PDE1B: variants seen among roughly 807,000 people sequenced by gnomAD.
PDE1B encodes the protein dual specificity calcium/calmodulin-dependent 3',5'-cyclic nucleotide phosphodiesterase 1B.
PDE1B carries 13 observed loss-of-function variants against 66.7 expected under a neutral mutation model. The ratio of observed to expected loss-of-function variants is 0.19; its 90% confidence interval spans 0.13 to 0.31. PDE1B has a LOEUF of 0.31. Ranked by LOEUF, PDE1B falls within the 10% of genes least tolerant of loss-of-function variation. PDE1B has a pLI of 1.00. For synonymous variants in PDE1B, 230 were observed against 253.9 expected (o/e 0.91, Z 0.90); for missense variants, 485 against 682.3 (o/e 0.71, Z 3.22).
intron 2 of PDE1B, among the ~76,000 whole-genome samples, chr12:54,553,584 G>C (rs2121026792): frequency 6.6e-6 from 1 of 152,278 alleles, no homozygotes; most frequent in Non-Finnish European, 1.5e-5. Context: ...GTTAAATAAA[G>C]GAATGAACAA....
intron 3 of PDE1B, among the ~76,000 whole-genome samples, chr12:54,567,933 T>A (rs1351964749): frequency 2.6e-5 from 4 of 152,188 alleles, no homozygotes; most frequent in African/African-American, 9.6e-5. Flanking sequence ...CTTGGCTCAC[T>A]GCAACCTCTG....
chr12:54,577,412 T>A (rs1957778319), intron 15 of PDE1B, 67 bp downstream of exon 15: 1 of 1,608,642 alleles, frequency 6.2e-7, no homozygotes, highest in Non-Finnish European at 8.5e-7. Flanking sequence ...TTGGGTCGTC[T>A]CTGGGCTCCA....
Position 54,569,208 on chromosome 12 carries a change from G to A in PDE1B, c.252G>A (p.Glu84=), listed in dbSNP as rs767337032. 7.5e-6 allele frequency: 12 copies of A among 1,609,992 alleles called. No individual in the cohort carries two copies. The highest frequency in any genetic ancestry group is 8.5e-6 in the Non-Finnish European group (10 of 1,177,412). ...GGCAAATCTTGGACACGGAGGACGA[G>A]CTGCAGGAGCTGCGGTCAGATGCCG... ...ETRQILDTED[E]LQELRSDAVP... Residue 84 remains glutamate, a synonymous_variant, in exon 4 of 16, where the codon GAG becomes GAA. Coordinates refer to ENST00000243052, the MANE Select transcript of PDE1B (RefSeq NM_000924.4). The surrounding 1 kb of genome is among the most constrained non-coding windows in gnomAD (Gnocchi z 4.4).
At chr12:54,563,460 G>A (rs900384467) in intron 2 of PDE1B, among the ~76,000 whole-genome samples, 1 of 152,180 alleles carries the variant, frequency 6.6e-6, no homozygotes. Context: ...AATGAAGTTT[G>A]TAATTGTAAA....
At chr12:54,562,153 C>A (rs558907424) in intron 2 of PDE1B, among the ~76,000 whole-genome samples, 1 of 152,234 alleles carries the variant, frequency 6.6e-6, no homozygotes, top group South Asian at 2.1e-4. Context: ...TTATGGTGAT[C>A]TTTTTGGGAA....
chr12:54,573,213 C>G lies in PDE1B; in HGVS notation c.801C>G (p.His267Gln). ...CTGCAGCTATCCATGATTATGAGCA[C>G]ACGGGCACTACCAACAGCTTCCACA... ...IFAAAIHDYE[H>Q]TGTTNSFHIQ... The change falls in exon 8 of 16, where the codon CAC (histidine) becomes CAG (glutamine). Residue 267 changes from histidine to glutamine, a missense_variant. Around this residue, in one of 4 missense-constraint regions of PDE1B, gnomAD observed 282 missense variants for 453.4 expected, o/e 0.62. Coordinates refer to ENST00000243052, the MANE Select transcript of PDE1B (RefSeq NM_000924.4). The surrounding 1 kb of genome is among the most constrained non-coding windows in gnomAD (Gnocchi z 5.2). 1 of 1,614,026 alleles carries G rather than the reference C, an allele frequency of 6.2e-7. No homozygotes were observed. Among genetic ancestry groups the G allele is most frequent in the Admixed American group, 1.7e-5 (1 of 60,012 alleles).
intron 6 of PDE1B, 100 bp downstream of exon 6, chr12:54,570,457 C>A: frequency 1.3e-6 from 1 of 761,730 alleles, no homozygotes; most frequent in Non-Finnish European, 2.4e-6. Context: ...GATCCCCTCA[C>A]TCAGTCTCAA....
At chr12:54,554,000 AG>A (rs2121028726) in intron 2 of PDE1B, among the ~76,000 whole-genome samples, 1 of 152,314 alleles carries the variant, frequency 6.6e-6, no homozygotes, top group East Asian at 1.9e-4. Context: ...TATATTGGGA[AG>A]GTGTGCACTT....
chr12:54,550,248 C>T, intron 2 of PDE1B: 1 of 1,341,864 alleles, frequency 7.5e-7, no homozygotes. Flanking sequence ...CTGACACACG[C>T]AGCGCCTAGA....
chr12:54,575,238 T>G lies in PDE1B; in HGVS notation c.1185+20T>G. 1 of 1,610,112 alleles carries G rather than the reference T, an allele frequency of 6.2e-7. No individual in the cohort carries two copies. Among genetic ancestry groups the G allele is most frequent in the Non-Finnish European group, 8.5e-7 (1 of 1,176,574 alleles). The stretch of plus-strand genomic sequence containing the variant: ...CGTCAGGTAGCGTGGCATCTTTGCC[T>G]TCCCTGTGCCTATGGGGGCCTTCTC... On this transcript the variant is annotated intron_variant, in intron 11 of 15. Coordinates refer to ENST00000243052, the MANE Select transcript of PDE1B (RefSeq NM_000924.4). This position sits in a 1 kb window ranked among gnomAD's most constrained non-coding sequence, Gnocchi z 4.0.
intron 3 of PDE1B, among the ~76,000 whole-genome samples, chr12:54,567,831 G>A (rs576685971): frequency 6.6e-6 from 1 of 151,478 alleles, no homozygotes; most frequent in South Asian, 2.1e-4. Flanking sequence ...TTAGAAAAAA[G>A]AATGTAAGAT....
intron 2 of PDE1B, among the ~76,000 whole-genome samples, chr12:54,552,323 G>A (rs1957289603): frequency 1.3e-5 from 2 of 152,214 alleles, no homozygotes; most frequent in African/African-American, 4.8e-5. Flanking sequence ...CTTTGGTCAA[G>A]GTGGGAAGGG....
At position 54,575,976 on chromosome 12, in the gene PDE1B, T is replaced by G. The variant is rs1003736707; in HGVS notation, c.1268-16T>G. On this transcript the variant is annotated splice_polypyrimidine_tract_variant and intron_variant, in intron 12 of 15. Transcript: ENST00000243052. This position sits in a 1 kb window ranked among gnomAD's most constrained non-coding sequence, Gnocchi z 4.0. Reference sequence around the variant, plus strand: ...TAATAGTAAGACATCTCTACGGCATTGCTCCTCCACTGCAGGGTTCATCGA... The same window carrying G: ...TAATAGTAAGACATCTCTACGGCATGGCTCCTCCACTGCAGGGTTCATCGA... 4 of 1,552,276 alleles carry G rather than the reference T, an allele frequency of 2.6e-6. No individual in the cohort carries two copies. Among genetic ancestry groups the G allele is most frequent in the Non-Finnish European group, 3.6e-6 (4 of 1,123,706 alleles).
chr12:54,575,069 T>A lies in PDE1B; in HGVS notation c.1065-29T>A, dbSNP rs754354780. 31 of 1,604,348 alleles carry A rather than the reference T, an allele frequency of 1.9e-5. No individual in the cohort carries two copies. The highest frequency in any genetic ancestry group is 1.5e-4 in the Admixed American group (9 of 59,528). On this transcript the variant is annotated intron_variant, in intron 10 of 15. Coordinates refer to ENST00000243052, the MANE Select transcript of PDE1B (RefSeq NM_000924.4). The surrounding 1 kb of genome is among the most constrained non-coding windows in gnomAD (Gnocchi z 4.0). Reference sequence around the variant, plus strand: ...ACTTCCTTTTCCTAAAAGATCAGTCTCCCTTCCCTTGCCATCTGCCCCAAC... The same window carrying A: ...ACTTCCTTTTCCTAAAAGATCAGTCACCCTTCCCTTGCCATCTGCCCCAAC...
chr12:54,565,631 A>G (rs1049577902), intron 2 of PDE1B, among the ~76,000 whole-genome samples: 1 of 152,194 alleles, frequency 6.6e-6, no homozygotes, highest in Non-Finnish European at 1.5e-5. Flanking sequence ...ATAGCCAACC[A>G]AGGAGGCTGC....
intron 2 of PDE1B, chr12:54,561,738 G>T (rs1957417352): frequency 2.6e-6 from 2 of 777,698 alleles, no homozygotes; most frequent in Non-Finnish European, 4.1e-6. Context: ...ATCAAGACCT[G>T]GCAGTCCCCC....
chr12:54,549,801 G>C (rs1957247646), intron 1 of PDE1B, 29 bp downstream of exon 1: 1 of 1,197,828 alleles, frequency 8.3e-7, no homozygotes, highest in Admixed American at 1.8e-5. Flanking sequence ...GGGGGGTGAG[G>C]GTCTCTCGGC....
rs1957245375 is a variant in PDE1B at position 54,549,694 on chromosome 12, A to T, written c.-92A>T. On this transcript the variant is annotated 5_prime_UTR_variant, in exon 1 of 16. Coordinates refer to ENST00000243052, the MANE Select transcript of PDE1B (RefSeq NM_000924.4). ...AAGCTCGGCTGGGCAGCGGGAGAGG[A>T]GGAGCCGCAGGAGCTGCAGCTCTGC... 3 of 491,604 alleles carry T rather than the reference A, an allele frequency of 6.1e-6. No individual in the cohort carries two copies. In the Admixed American group the frequency reaches 1.1e-4, roughly 18 times the overall value. The allele number at this position is 491,604 out of a possible 1,614,324, so 30.5% of individuals were successfully genotyped here. A position where few individuals can be genotyped will look rare whatever the true frequency, so the allele number is the denominator to read the frequency against.
chr12:54,577,108 T>G, intron 14 of PDE1B, 117 bp from the exon 15 acceptor site: 1 of 904,250 alleles, frequency 1.1e-6, no homozygotes, highest in African/African-American at 1.6e-5. Context: ...TTGAATGTAG[T>G]TCAGCTTGAA....
Sources: gnomAD v4.1 joint callset for allele counts (sites outside exome capture counted in the v4.1 genomes callset) on GRCh38, gnomAD v4.1.1 for gene constraint, gnomAD v4.1.1 regional missense constraint, Gnocchi (gnomAD v3.1) non-coding constraint, MANE v1.5 for transcripts, NCBI Gene and HGNC (gene_info 2026-07-23, HGNC 2026-07-21) for gene names.